Variants in ENG observed in about 807,000 individuals in gnomAD.
ENG encodes CD105 antigen.
Under a neutral mutation model 71.0 loss-of-function variants are expected in ENG, and 17 were observed. The observed-to-expected ratio is 0.24, with a 90% CI of 0.16 to 0.36. ENG has a LOEUF of 0.36. Among genes scored for constraint, ENG ranks in the 10% least tolerant of loss-of-function variants. ENG has a pLI of 1.00. For synonymous variants in ENG, 360 were observed against 366.9 expected, an observed-to-expected ratio of 0.98 and a Z score of 0.21; for missense variants, 749 against 868.3, an observed-to-expected ratio of 0.86 and a Z score of 1.73.
intron 1 of ENG, 112 bp downstream of exon 1, chr9:127,854,177 G>A: frequency 8.9e-7 from 1 of 1,123,550 alleles, no homozygotes; most frequent in East Asian, 2.6e-5. Context: ...GAGCCCCAAG[G>A]ATGGCTCTGC....
In ENG at chr9:127,825,801, C is replaced by T. The variant is rs1255912441; in HGVS notation, c.583G>A (p.Glu195Lys). Residue 195 changes from glutamate (E) to lysine (K), a missense_variant, in exon 5 of 15, where the codon GAG becomes AAG. Transcript: ENST00000373203. ...EASQDMGRTL[E>K]WRPRTPALVR... is the part of the protein sequence containing the mutation. Reference sequence around the variant, plus strand: ...AAGGCTGGAGTACGCGGCCGCCACTCGAGCGTGCGGCCCATGTCCTGGCTG... The same window carrying T: ...AAGGCTGGAGTACGCGGCCGCCACTTGAGCGTGCGGCCCATGTCCTGGCTG... 6 of 1,596,752 alleles carry T rather than the reference C, an allele frequency of 3.8e-6. No individual in the cohort carries two copies. Among genetic ancestry groups the T allele is most frequent in the African/African-American group, 2.7e-5 (2 of 74,724 alleles).
chr9:127,824,152 A>G (rs1830540606), intron 8 of ENG, 152 bp downstream of exon 8: 3 of 1,084,172 alleles, frequency 2.8e-6, no homozygotes, highest in African/African-American at 3.1e-5. Flanking sequence ...GGTAGGTACC[A>G]TTATCAATTC....
chr9:127,833,522 CA>C (rs57982372), intron 2 of ENG, among the ~76,000 whole-genome samples: 2,410 of 66,876 alleles, frequency 0.036, 18 homozygotes, highest in African/African-American at 0.069. Context: ...AACTCCGCCT[CA>C]AAAAAAAAAA....
At position 127,825,794 on chromosome 9, in the gene ENG, C is replaced by T. The variant is rs770898485; in HGVS notation, c.590G>A (p.Arg197Gln). 1.2e-5 allele frequency: 19 copies of T among 1,596,142 alleles called. No individual in the cohort carries two copies. Among genetic ancestry groups the T allele is most frequent in the African/African-American group, 8.0e-5 (6 of 74,700 alleles). ...CCGGACCAAGGCTGGAGTACGCGGC[C>T]GCCACTCGAGCGTGCGGCCCATGTC... The part of the protein sequence containing the change: ...SQDMGRTLEW[R>Q]PRTPALVRGC... The change falls in exon 5 of 15, where the codon CGG (arginine) becomes CAG (glutamine). Residue 197 changes from arginine (R) to glutamine (Q), a missense_variant. Transcript: ENST00000373203.
At chr9:127,847,451 G>T (rs372572203) in intron 1 of ENG, among the ~76,000 whole-genome samples, 1 of 151,888 alleles carries the variant, frequency 6.6e-6, no homozygotes, top group Non-Finnish European at 1.5e-5. Flanking sequence ...TTTTCTTCCC[G>T]CTGCCACCCC....
Position 127,825,730 on chromosome 9 carries a change from C to G in ENG, c.654G>C (p.Ala218=), listed in dbSNP as rs773156160. 6.3e-7 allele frequency: 1 copy of G among 1,596,938 alleles called. No individual in the cohort carries two copies. The highest frequency in any genetic ancestry group is 8.5e-7 in the Non-Finnish European group (1 of 1,174,464). The change falls in exon 5 of 15, where the codon GCG becomes GCC. Residue 218 remains alanine (A), a synonymous_variant. Coordinates refer to ENST00000373203, the MANE Select transcript of ENG (RefSeq NM_001114753.3). ...HLEGVAGHKE[A]HILRVLPGHS... ...GGCCCGGCAGGACCCTCAGGATGTG[C>G]GCCTCCTTGTGGCCGGCCACGCCTT... is the stretch of plus-strand genomic sequence containing the variant.
At position 127,818,395 on chromosome 9, in the gene ENG, G is replaced by T. The variant is rs1830387158; in HGVS notation, c.1429-18C>A. Reference sequence around the variant, plus strand: ...ACTCTGACCTGCATGGGTAGGTAGGGCCACGCGGCATGGGCAGCTGCTCTT... The same window carrying T: ...ACTCTGACCTGCATGGGTAGGTAGGTCCACGCGGCATGGGCAGCTGCTCTT... On this transcript the variant is annotated intron_variant, in intron 11 of 14. Coordinates refer to ENST00000373203, the MANE Select transcript of ENG (RefSeq NM_001114753.3). 1 of 1,612,094 alleles carries T rather than the reference G, an allele frequency of 6.2e-7. No homozygotes were observed. The highest frequency in any genetic ancestry group is 1.3e-5 in the African/African-American group (1 of 74,922).
intron 1 of ENG, among the ~76,000 whole-genome samples, chr9:127,843,732 C>CACATATATATATATATAT (rs1554812389): frequency 2.4e-4 from 3 of 12,756 alleles, no homozygotes; most frequent in African/African-American, 7.3e-4. Flanking sequence ...CACACATCCA[C>CACATATATATATATATAT]ATACATATAT....
chr9:127,826,991 C>G (rs1830634210), intron 3 of ENG: 3 of 381,258 alleles, frequency 7.9e-6, no homozygotes, highest in East Asian at 6.0e-5. Context: ...CTCCCTATAC[C>G]CTGAGGCTCT....
intron 9 of ENG, 29 bp downstream of exon 9, chr9:127,819,865 GCTGGTC>G (rs1830430473): frequency 1.2e-6 from 2 of 1,614,150 alleles, no homozygotes; most frequent in African/African-American, 1.3e-5. Context: ...CACCAACCAG[GCTGGTC>G]CTGATACCTT....
chr9:127,854,413 C>T lies in ENG; in HGVS notation c.-58G>A, dbSNP rs971268057. On this transcript the variant is annotated 5_prime_UTR_variant, in exon 1 of 15. Coordinates refer to ENST00000373203, the MANE Select transcript of ENG (RefSeq NM_001114753.3). ...TATCCTGTGTCCAGTGGCAGGGCTGCGGGCGGGCACCGGGGCCGGCGTGGG... is the reference window on the plus strand; with the variant it reads ...TATCCTGTGTCCAGTGGCAGGGCTGTGGGCGGGCACCGGGGCCGGCGTGGG... 14 of 1,523,036 alleles carry T rather than the reference C, an allele frequency of 9.2e-6. No homozygotes were observed. Among genetic ancestry groups the T allele is most frequent in the South Asian group, 4.8e-5 (4 of 82,560 alleles). The allele number at this position is 1,523,036 out of a possible 1,614,324, so 94.3% of individuals were successfully genotyped here. A position where few individuals can be genotyped will look rare whatever the true frequency, so the allele number is the denominator to read the frequency against.
intron 8 of ENG, among the ~76,000 whole-genome samples, chr9:127,823,992 TCTG>T (rs1830538067): frequency 6.6e-6 from 1 of 152,144 alleles, no homozygotes; most frequent in Non-Finnish European, 1.5e-5. Context: ...GTGTAGGTAT[TCTG>T]CTAAGTGACC....
In ENG at chr9:127,826,618, G is replaced by A; in HGVS notation, c.415C>T (p.Pro139Ser). The A allele has an allele frequency of 6.2e-7, 1 of 1,614,074 alleles. No individual in the cohort carries two copies. Among genetic ancestry groups the A allele is most frequent in the Non-Finnish European group, 8.5e-7 (1 of 1,179,990 alleles). ...EPPGVNTTEL[P>S]SFPKTQILEW... ...AGGATCTGGGTCTTGGGGAAGGATG[G>A]CAGCTCTGTGGTGTTGACCCCCGGG... The change falls in exon 4 of 15, where the codon CCA becomes TCA. Residue 139 changes from proline to serine, a missense_variant. Transcript: ENST00000373203.
Position 127,815,726 on chromosome 9 carries a change from C to A in ENG, c.1933G>T (p.Gly645Trp), listed in dbSNP as rs561842392. ...SESSSTNHSI[G>W]STQSTPCSTS... ...GAGCAGGGGGTGCTCTGGGTGCTCC[C>A]GATGCTGTGGTTGGTGCTGCTGCTC... Residue 645 changes from glycine to tryptophan, a missense_variant, in exon 15 of 15, where the codon GGG becomes TGG. By Grantham distance (184) the Gly-to-Trp change is radical. Coordinates refer to ENST00000373203, the MANE Select transcript of ENG (RefSeq NM_001114753.3). 1.3e-6 allele frequency: 2 copies of A among 1,559,938 alleles called. No individual in the cohort carries two copies. Among genetic ancestry groups the A allele is most frequent in the Non-Finnish European group, 1.7e-6 (2 of 1,157,864 alleles).
chr9:127,853,403 G>A (rs554206145), intron 1 of ENG, among the ~76,000 whole-genome samples: 2 of 152,294 alleles, frequency 1.3e-5, no homozygotes, highest in Admixed American at 6.5e-5. Context: ...CCACAGGACC[G>A]GCCAGCGGCT....
intron 8 of ENG, among the ~76,000 whole-genome samples, chr9:127,823,878 AC>A (rs1830534976): frequency 6.6e-6 from 1 of 150,770 alleles, no homozygotes; most frequent in Non-Finnish European, 1.5e-5. Context: ...ACAGGGTTTC[AC>A]CATGTTGGCC....
intron 2 of ENG, among the ~76,000 whole-genome samples, chr9:127,831,809 A>G (rs1046513618): frequency 6.0e-5 from 9 of 151,016 alleles, no homozygotes; most frequent in African/African-American, 2.2e-4. Context: ...CTCCTGCCTC[A>G]GCCTCCTGAG....
At chr9:127,845,064 G>A (rs770315974) in intron 1 of ENG, among the ~76,000 whole-genome samples, 19 of 152,236 alleles carry the variant, frequency 1.2e-4, no homozygotes, top group Non-Finnish European at 2.5e-4. Context: ...GGAATGTGCC[G>A]GGGGAAGGGG....
intron 2 of ENG, among the ~76,000 whole-genome samples, chr9:127,831,588 A>G (rs1032426910): frequency 1.3e-5 from 2 of 150,638 alleles, no homozygotes; most frequent in Non-Finnish European, 1.5e-5. Flanking sequence ...GGGTTTCACC[A>G]TGTTGGTCAG....
Sources: allele counts gnomAD v4.1 joint callset (sites outside exome capture counted in the v4.1 genomes callset), GRCh38; gene constraint gnomAD v4.1.1; transcripts MANE v1.5; gene names NCBI Gene and HGNC (gene_info 2026-07-23, HGNC 2026-07-21).